The following ACMSD variants were observed in gnomAD, a reference collection of about 807,000 sequenced individuals.
ACMSD encodes the protein aminocarboxymuconate semialdehyde decarboxylase.
Under a neutral mutation model 45.9 loss-of-function variants are expected in ACMSD, and 37 were observed. That is an observed-to-expected ratio of 0.81 (90% CI 0.62 to 1.06). ACMSD has a LOEUF of 1.06. ACMSD is among the 50% of genes least tolerant of loss of function. The pLI, the probability that ACMSD is intolerant of heterozygous loss-of-function variation, is 0.00. For synonymous variants in ACMSD, 138 were observed against 148.8 expected (o/e 0.93, Z 0.53); for missense variants, 434 against 420.9 (o/e 1.03, Z -0.27).
chr2:134,882,044 G>T (rs1377300211), intron 8 of ACMSD, among the ~76,000 whole-genome samples: 1 of 152,116 alleles, frequency 6.6e-6, no homozygotes, highest in Non-Finnish European at 1.5e-5. Context: ...CTTGAACCTG[G>T]GAGGTGGAGA....
chr2:134,860,195 G>C (rs566608272), intron 3 of ACMSD, among the ~76,000 whole-genome samples: 1 of 152,146 alleles, frequency 6.6e-6, no homozygotes, highest in Non-Finnish European at 1.5e-5. Context: ...CCCAGGAGGC[G>C]GAGTTTGCAG....
chr2:134,864,268 CA>C lies in ACMSD; in HGVS notation c.486+652del, dbSNP rs370221460. ...TGGGTAAGAGAGCAAGACTCCATCT[CA>C]AAAAAAAAAAAAAATCTGCTTTGGA... On this transcript the variant is annotated intron_variant, in intron 5 of 9. Coordinates refer to ENST00000356140, the MANE Select transcript of ACMSD (RefSeq NM_138326.3). Among the ~76,000 whole-genome samples the C allele has an allele frequency of 6.3e-3, 745 of 117,876 alleles. 2 individuals carry two copies. The highest frequency in any genetic ancestry group is 0.017 in the African/African-American group (532 of 30,482). The allele number at this position is 117,876 out of a possible 152,430, so 77.3% of individuals were successfully genotyped here. A position where few individuals can be genotyped will look rare whatever the true frequency, so the allele number is the denominator to read the frequency against.
Position 134,884,087 on chromosome 2 carries a change from T to C in ACMSD, c.849+11446T>C, listed in dbSNP as rs1178346151. On this transcript the variant is annotated intron_variant, in intron 8 of 9. Transcript: ENST00000356140. ...ATGAGATGTACAGACAGATAACAGG[T>C]ATGAAAAATGAAAAATTCACAAGCC... Among the ~76,000 whole-genome samples, 3 of 152,260 alleles carry C rather than the reference T, an allele frequency of 2.0e-5. No homozygotes were observed. The East Asian group carries it at 5.8e-4, about 29-fold the overall frequency.
At chr2:134,901,633 G>A (rs1275224286) in intron 9 of ACMSD, among the ~76,000 whole-genome samples, 165 bp from the exon 10 acceptor site, 7 of 152,102 alleles carry the variant, frequency 4.6e-5, no homozygotes, top group Admixed American at 4.6e-4. Context: ...AAACAGCGGG[G>A]CAAAACATAG....
intron 2 of ACMSD, among the ~76,000 whole-genome samples, chr2:134,852,902 C>G (rs970742746): frequency 2.0e-5 from 3 of 152,098 alleles, no homozygotes; most frequent in Non-Finnish European, 4.4e-5. Context: ...TGGTGCCTCA[C>G]GCCTAATCCC....
chr2:134,898,792 TA>T (rs1200400756), intron 9 of ACMSD, among the ~76,000 whole-genome samples: 1 of 152,176 alleles, frequency 6.6e-6, no homozygotes, highest in African/African-American at 2.4e-5. Context: ...GTAATAACTC[TA>T]GTTATTTAGA....
intron 8 of ACMSD, among the ~76,000 whole-genome samples, chr2:134,885,319 A>ATAT (rs35092050): frequency 0.05 from 5,193 of 103,082 alleles, 267 homozygotes; most frequent in East Asian, 0.29. Context: ...ATATATATAT[A>ATAT]AATATATATG....
chr2:134,901,963 C>G lies in ACMSD; in HGVS notation c.*103C>G. On this transcript the variant is annotated 3_prime_UTR_variant, in exon 10 of 10. Transcript: ENST00000356140. ...AAATCCTATTTTGAACTATTTTACT[C>G]AGAAATGAATGTCCCAAATATCCTA... 2.8e-6 allele frequency: 2 copies of G among 725,142 alleles called. No individual in the cohort carries two copies. The highest frequency in any genetic ancestry group is 4.3e-6 in the Non-Finnish European group (2 of 460,516). 44.9% of individuals were successfully genotyped at this position (725,142 alleles called of 1,614,324 possible).
At chr2:134,847,933 C>A (rs1037380734) in intron 2 of ACMSD, among the ~76,000 whole-genome samples, 1 of 151,872 alleles carries the variant, frequency 6.6e-6, no homozygotes, top group Non-Finnish European at 1.5e-5. Flanking sequence ...CTCACCGCAA[C>A]CTCTGCCTCC....
At chr2:134,876,969 C>T (rs1688768046) in intron 8 of ACMSD, among the ~76,000 whole-genome samples, 1 of 152,092 alleles carries the variant, frequency 6.6e-6, no homozygotes, top group Admixed American at 6.5e-5. Context: ...AGATGGGTTT[C>T]ACGATGTTAG....
chr2:134,840,340 C>A (rs933276844), intron 1 of ACMSD, among the ~76,000 whole-genome samples: 5 of 151,816 alleles, frequency 3.3e-5, no homozygotes, highest in African/African-American at 1.2e-4. Flanking sequence ...CATGATCGAC[C>A]CTCCAAGCAG....
intron 8 of ACMSD, among the ~76,000 whole-genome samples, chr2:134,885,410 A>T (rs1286793136): frequency 8.1e-6 from 1 of 122,780 alleles, no homozygotes; most frequent in Non-Finnish European, 1.6e-5. Context: ...TTATATATAA[A>T]ATATATATGT....
intron 4 of ACMSD, chr2:134,862,977 G>A (rs1687917448): frequency 1.0e-6 from 1 of 985,468 alleles, no homozygotes. Context: ...AGCCAGCCTG[G>A]CGGCCCTCAA....
chr2:134,882,180 A>G (rs1304115702), intron 8 of ACMSD, among the ~76,000 whole-genome samples: 1 of 152,138 alleles, frequency 6.6e-6, no homozygotes, highest in Non-Finnish European at 1.5e-5. Flanking sequence ...TGACATTTAA[A>G]TTTGTTTGAA....
At chr2:134,870,847 T>C (rs537351095) in intron 6 of ACMSD, 118 bp from the exon 7 acceptor site, 3 of 780,708 alleles carry the variant, frequency 3.8e-6, no homozygotes, top group South Asian at 3.5e-5. Context: ...AGCCAAACTA[T>C]GCCAGGGTAC....
intron 2 of ACMSD, among the ~76,000 whole-genome samples, chr2:134,847,809 T>C (rs927369372): frequency 6.6e-6 from 1 of 152,116 alleles, no homozygotes; most frequent in African/African-American, 2.4e-5. Flanking sequence ...TATGGCTGTA[T>C]AGTATTCCAT....
rs1291617442 is a variant in ACMSD, at chr2:134,861,983, G to A, written c.214G>A (p.Ala72Thr). ...EMDQKGVTVQ[A>T]LSTVPVMFSY... ...TCCATGTCTAGGAGTAACAGTGCAA[G>A]CCCTTTCCACAGTTCCTGTCATGTT... The change falls in exon 4 of 10, where the codon GCC (alanine) becomes ACC (threonine). Residue 72 changes from alanine (A) to threonine (T), a missense_variant. By Grantham distance (58) the Ala-to-Thr change is moderately conservative. Transcript: ENST00000356140. 1.2e-6 allele frequency: 2 copies of A among 1,614,138 alleles called. No individual in the cohort carries two copies. The highest frequency in any genetic ancestry group is 1.7e-6 in the Non-Finnish European group (2 of 1,180,020).
intron 2 of ACMSD, among the ~76,000 whole-genome samples, chr2:134,850,803 T>C (rs1687303727): frequency 6.6e-6 from 1 of 152,198 alleles, no homozygotes; most frequent in Non-Finnish European, 1.5e-5. Flanking sequence ...CAACTTTTAT[T>C]TTAAGCTCAG....
intron 8 of ACMSD, among the ~76,000 whole-genome samples, chr2:134,885,321 AT>A (rs1689311766): frequency 9.2e-6 from 1 of 109,052 alleles, no homozygotes. Context: ...ATATATATAA[AT>A]ATATATGTAA....
Sources: gnomAD v4.1 joint callset for allele counts (sites outside exome capture counted in the v4.1 genomes callset) on GRCh38, gnomAD v4.1.1 for gene constraint, MANE v1.5 for transcripts, NCBI Gene and HGNC (gene_info 2026-07-23, HGNC 2026-07-21) for gene names.